PPP1R9A: variants seen among roughly 807,000 people sequenced by gnomAD.
PPP1R9A encodes protein phosphatase 1 regulatory subunit 9A.
A neutral mutation model predicts 141.9 loss-of-function variants in PPP1R9A; 59 were observed. The observed-to-expected ratio is 0.42, with a 90% CI of 0.34 to 0.52. The LOEUF (loss-of-function observed/expected upper bound fraction) is 0.52, where lower values mean the gene tolerates loss of function less well. PPP1R9A is among the 20% of genes least tolerant of loss of function. The pLI, the probability that PPP1R9A is intolerant of heterozygous loss-of-function variation, is 0.10. For missense variants in PPP1R9A, 1,444 were observed against 1,611.9 expected, an observed-to-expected ratio of 0.90 and a Z score of 1.78; for synonymous variants, 500 against 569.7, an observed-to-expected ratio of 0.88 and a Z score of 1.74.
chr7:95,123,463 A>G (rs60009508), intron 4 of PPP1R9A, among the ~76,000 whole-genome samples: 6,515 of 152,296 alleles, frequency 0.043, 498 homozygotes, highest in East Asian at 0.37. Context: ...AGCCTGGCCA[A>G]CATGGTGAAA....
intron 8 of PPP1R9A, among the ~76,000 whole-genome samples, chr7:95,235,499 T>TA (rs2152974785): frequency 6.6e-6 from 1 of 152,244 alleles, no homozygotes; most frequent in South Asian, 2.1e-4. Flanking sequence ...AGAATGGCCA[T>TA]AATCAAAAAA....
chr7:95,211,640 A>C (rs535700318), intron 7 of PPP1R9A, among the ~76,000 whole-genome samples: 8 of 152,214 alleles, frequency 5.3e-5, no homozygotes, highest in African/African-American at 1.9e-4. Flanking sequence ...GTCTATTACG[A>C]CTGACTTGTT....
rs554338733 is a variant in PPP1R9A, at chr7:95,009,093, T to C, written c.1395+97585T>C. Among the ~76,000 whole-genome samples, 11 of 152,100 alleles carry C rather than the reference T, an allele frequency of 7.2e-5. No individual in the cohort carries two copies. The East Asian group carries it at 1.6e-3, about 22-fold the overall frequency. On this transcript the variant is annotated intron_variant, in intron 2 of 19. Transcript: ENST00000433360. ...GCATGTTCTCACTCATAGGTGGGAATTGAACAATGAAAACACTTGGACACA... is the reference window on the plus strand; with the variant it reads ...GCATGTTCTCACTCATAGGTGGGAACTGAACAATGAAAACACTTGGACACA...
chr7:95,092,153 G>A (rs1449199890), intron 2 of PPP1R9A, among the ~76,000 whole-genome samples: 1 of 152,104 alleles, frequency 6.6e-6, no homozygotes, highest in Non-Finnish European at 1.5e-5. Context: ...CTATTTGCCT[G>A]TAAACAGAGT....
chr7:95,226,755 A>G (rs2152954637), intron 8 of PPP1R9A, among the ~76,000 whole-genome samples: 1 of 152,280 alleles, frequency 6.6e-6, no homozygotes, highest in South Asian at 2.1e-4. Flanking sequence ...GCAAGGGAGT[A>G]TGGTGATGCA....
chr7:94,997,877 C>T (rs1802393040), intron 2 of PPP1R9A, among the ~76,000 whole-genome samples: 1 of 152,082 alleles, frequency 6.6e-6, no homozygotes, highest in Admixed American at 6.6e-5. Context: ...TCCTAGCCTG[C>T]ACTGTTATGG....
intron 12 of PPP1R9A, among the ~76,000 whole-genome samples, chr7:95,256,153 A>T (rs184262986): frequency 6.6e-6 from 1 of 151,976 alleles, no homozygotes; most frequent in African/African-American, 2.4e-5. Context: ...CAAGAAAAAA[A>T]TATACTCCAG....
chr7:95,081,340 G>T lies in PPP1R9A; in HGVS notation c.1396-29919G>T, dbSNP rs188959558. On this transcript the variant is annotated intron_variant, in intron 2 of 19. Transcript: ENST00000433360. The stretch of plus-strand genomic sequence containing the variant: ...TGAAATGACATAAATGGAAGAATTA[G>T]TATACAAGAATATTAAAATAGTTAT... Among the ~76,000 whole-genome samples, 5 of 152,240 alleles carry T rather than the reference G, an allele frequency of 3.3e-5. No homozygotes were observed. In the East Asian group the frequency reaches 5.8e-4, roughly 18 times the overall value.
Position 95,292,179 on chromosome 7 carries a change from G to A in PPP1R9A, c.*1876G>A, listed in dbSNP as rs854542. On this transcript the variant is annotated 3_prime_UTR_variant, in exon 20 of 20. Transcript: ENST00000433360. ...TTAGGGGTATGATAATGAAACTGCC[G>A]TATTGGATACTCTATTAATGTCTTG... The A allele has an allele frequency of 0.8, 122,365 of 152,162 alleles. 49,314 individuals carry two copies. Among genetic ancestry groups the A allele is most frequent in the East Asian group, 0.89 (4,626 of 5,178 alleles). 9.4% of individuals were successfully genotyped at this position (152,162 alleles called of 1,614,324 possible).
intron 8 of PPP1R9A, among the ~76,000 whole-genome samples, chr7:95,239,572 C>A (rs2152984270): frequency 6.6e-6 from 1 of 151,968 alleles, no homozygotes; most frequent in Middle Eastern, 3.4e-3. Context: ...AATAAATAAA[C>A]AAATAAAAAT....
chr7:95,224,896 C>T (rs555016470), intron 7 of PPP1R9A, among the ~76,000 whole-genome samples: 6 of 152,134 alleles, frequency 3.9e-5, no homozygotes, highest in South Asian at 4.1e-4. Context: ...TGTTAGATAA[C>T]GTGCTACCTG....
intron 16 of PPP1R9A, among the ~76,000 whole-genome samples, chr7:95,278,634 G>C (rs1187646554): frequency 2.0e-5 from 3 of 151,632 alleles, no homozygotes; most frequent in Non-Finnish European, 4.4e-5. Flanking sequence ...AAAATAATTT[G>C]TTTACATACA....
At chr7:95,274,633 G>C (rs1585586894) in intron 16 of PPP1R9A, among the ~76,000 whole-genome samples, 1 of 152,084 alleles carries the variant, frequency 6.6e-6, no homozygotes, top group Non-Finnish European at 1.5e-5. Context: ...GCTGCACTTG[G>C]CTATTTAATT....
At chr7:95,124,809 A>G (rs1823272326) in intron 4 of PPP1R9A, among the ~76,000 whole-genome samples, 1 of 152,298 alleles carries the variant, frequency 6.6e-6, no homozygotes. Flanking sequence ...ATGTATACAT[A>G]GAAAGTTTTT....
At chr7:95,084,751 G>A (rs886229945) in intron 2 of PPP1R9A, among the ~76,000 whole-genome samples, 4 of 151,892 alleles carry the variant, frequency 2.6e-5, no homozygotes, top group Non-Finnish European at 4.4e-5. Flanking sequence ...AGCCCACTTA[G>A]TTGTAATCTA....
chr7:94,989,550 A>G (rs1185745843), intron 2 of PPP1R9A, among the ~76,000 whole-genome samples: 1 of 152,104 alleles, frequency 6.6e-6, no homozygotes, highest in Non-Finnish European at 1.5e-5. Context: ...AGCTAGAATT[A>G]GAAAACGTGG....
intron 2 of PPP1R9A, among the ~76,000 whole-genome samples, chr7:95,008,192 A>C (rs1057166845): frequency 6.6e-6 from 1 of 152,188 alleles, no homozygotes; most frequent in African/African-American, 2.4e-5. Context: ...ATGGTCAGCT[A>C]AGCTCAGCTG....
chr7:95,201,572 C>T (rs978545852), intron 6 of PPP1R9A, among the ~76,000 whole-genome samples: 2 of 151,896 alleles, frequency 1.3e-5, no homozygotes, highest in Admixed American at 1.3e-4. Flanking sequence ...GTGCTTTTTC[C>T]CTATTTTCTA....
chr7:95,002,776 T>G (rs959190600), intron 2 of PPP1R9A, among the ~76,000 whole-genome samples: 3 of 152,170 alleles, frequency 2.0e-5, no homozygotes, highest in Non-Finnish European at 2.9e-5. Flanking sequence ...GTGTCTAACT[T>G]ACCCGTACAT....
Sources: allele counts gnomAD v4.1 joint callset (sites outside exome capture counted in the v4.1 genomes callset), GRCh38; gene constraint gnomAD v4.1.1; transcripts MANE v1.5; gene names NCBI Gene and HGNC (gene_info 2026-07-23, HGNC 2026-07-21).